SYBU: variants seen among roughly 807,000 people sequenced by gnomAD.
SYBU encodes the protein GOLSYN A protein.
Under a neutral mutation model 35.9 loss-of-function variants are expected in SYBU, and 21 were observed. The observed-to-expected ratio is 0.58, with a 90% CI of 0.41 to 0.84. The LOEUF is 0.84. Ranked by LOEUF, SYBU falls within the 40% of genes least tolerant of loss-of-function variation. The pLI is 0.00. For missense variants in SYBU, 768 were observed against 848.2 expected, an observed-to-expected ratio of 0.91 and a Z score of 1.17; for synonymous variants, 319 against 324.3, an observed-to-expected ratio of 0.98 and a Z score of 0.18.
chr8:109,575,363 T>G lies in SYBU; in HGVS notation c.1535A>C (p.Asp512Ala), dbSNP rs1586707104. Residue 512 changes from aspartate (D) to alanine (A), a missense_variant, in exon 7 of 7, where the codon GAC (aspartate) becomes GCC (alanine). Physicochemically the swap from Asp to Ala is moderately radical, Grantham distance 126. Coordinates refer to ENST00000276646, the MANE Select transcript of SYBU (RefSeq NM_001099754.2). ...LIQSVLQKLQDPCPSSLASPD... is the reference protein window; with the variant it reads ...LIQSVLQKLQAPCPSSLASPD... ...GGACGCCAAGCTCGAGGGACAGGGG[T>G]CCTGGAGCTTCTGCAGCACACTCTG... 6.2e-7 allele frequency: 1 copy of G among 1,613,798 alleles called. No homozygotes were observed. Among genetic ancestry groups the G allele is most frequent in the Non-Finnish European group, 8.5e-7 (1 of 1,179,964 alleles).
At chr8:109,682,827 T>G (rs1016383825), upstream of SYBU, among the ~76,000 whole-genome samples, 2 of 152,234 alleles carry the variant, frequency 1.3e-5, no homozygotes, top group Non-Finnish European at 2.9e-5. Flanking sequence ...AGGGCTCCCC[T>G]GCTGTGTTCA....
chr8:109,644,835 C>A, upstream of SYBU: 3 of 614,562 alleles, frequency 4.9e-6, no homozygotes, highest in Non-Finnish European at 7.7e-6. Context: ...GCTCCGAGGG[C>A]ACGCCCGACC....
chr8:109,591,818 G>C (rs1824312921), intron 3 of SYBU, among the ~76,000 whole-genome samples: 2 of 151,992 alleles, frequency 1.3e-5, no homozygotes, highest in South Asian at 4.2e-4. Flanking sequence ...GGCCAAAAAT[G>C]TAAATTTTTA....
At chr8:109,616,971 T>C (rs1811868595) in intron 3 of SYBU, among the ~76,000 whole-genome samples, 1 of 151,930 alleles carries the variant, frequency 6.6e-6, no homozygotes, top group Non-Finnish European at 1.5e-5. Flanking sequence ...AAACCCCATT[T>C]CTACTAAAAA....
chr8:109,618,549 G>A (rs1329332484), intron 3 of SYBU, among the ~76,000 whole-genome samples: 1 of 152,138 alleles, frequency 6.6e-6, no homozygotes, highest in Non-Finnish European at 1.5e-5. Flanking sequence ...TACTCATATA[G>A]TTTAAATGCT....
chr8:109,607,191 A>G (rs896061384), intron 3 of SYBU, among the ~76,000 whole-genome samples: 4 of 152,116 alleles, frequency 2.6e-5, no homozygotes, highest in African/African-American at 9.7e-5. Flanking sequence ...TACAAACCCA[A>G]CCTTTATGCT....
chr8:109,635,155 C>T (rs1031203036), intron 2 of SYBU, among the ~76,000 whole-genome samples: 3 of 152,176 alleles, frequency 2.0e-5, no homozygotes, highest in Non-Finnish European at 4.4e-5. Flanking sequence ...TCTTGCTCAC[C>T]ACCAATTTGC....
At chr8:109,621,188 C>A (rs1281302828) in intron 2 of SYBU, among the ~76,000 whole-genome samples, 1 of 152,188 alleles carries the variant, frequency 6.6e-6, no homozygotes, top group Non-Finnish European at 1.5e-5. Flanking sequence ...GAAATGCTAT[C>A]AAAATCATAC....
chr8:109,659,569 G>A (rs996146999), intron 1 of SYBU, among the ~76,000 whole-genome samples: 1 of 152,092 alleles, frequency 6.6e-6, no homozygotes, highest in South Asian at 2.1e-4. Flanking sequence ...TTTTTCTTTT[G>A]TACATAGAGA....
intron 1 of SYBU, among the ~76,000 whole-genome samples, chr8:109,664,351 A>G (rs1376610370): frequency 6.6e-6 from 1 of 152,158 alleles, no homozygotes; most frequent in African/African-American, 2.4e-5. Context: ...GTGTTTTTAA[A>G]TGAATAAACA....
At chr8:109,608,018 T>C (rs1826247403) in intron 3 of SYBU, 3 of 1,479,922 alleles carry the variant, frequency 2.0e-6, no homozygotes, top group Non-Finnish European at 2.7e-6. Context: ...GTGCAGCTCA[T>C]ATCTCAGTAG....
intron 3 of SYBU, among the ~76,000 whole-genome samples, chr8:109,586,792 A>T (rs1035579722): frequency 1.3e-5 from 2 of 152,230 alleles, no homozygotes; most frequent in Admixed American, 6.5e-5. Context: ...TGTAAATTAC[A>T]CTGAAATTTG....
At chr8:109,672,562 T>C (rs1691318096) in intron 1 of SYBU, among the ~76,000 whole-genome samples, 1 of 152,188 alleles carries the variant, frequency 6.6e-6, no homozygotes, top group South Asian at 2.1e-4. Flanking sequence ...CTTGGAAGCC[T>C]ACACCACCAG....
intron 4 of SYBU, among the ~76,000 whole-genome samples, chr8:109,581,933 G>A (rs1823078743): frequency 6.6e-6 from 1 of 152,244 alleles, no homozygotes; most frequent in African/African-American, 2.4e-5. Context: ...CAGATGGGCT[G>A]ATGGCTTTGT....
At chr8:109,616,687 T>A (rs1410032911) in intron 3 of SYBU, among the ~76,000 whole-genome samples, 1 of 149,168 alleles carries the variant, frequency 6.7e-6, no homozygotes, top group Admixed American at 6.7e-5. Flanking sequence ...AGCTTCATGA[T>A]GAAACATACT....
intron 1 of SYBU, among the ~76,000 whole-genome samples, chr8:109,664,519 C>T (rs1352960031): frequency 6.6e-6 from 1 of 152,166 alleles, no homozygotes; most frequent in Admixed American, 6.5e-5. Context: ...ACTCATTTAA[C>T]CACAAAGCTA....
rs57964282 is a variant in SYBU, at chr8:109,640,535, G to T, written c.229+2193C>A. 2.8e-3 allele frequency among the ~76,000 whole-genome samples: 427 copies of T among 152,026 alleles called. 1 individual carries two copies. Among genetic ancestry groups the T allele is most frequent in the African/African-American group, 0.01 (415 of 41,418 alleles). On this transcript the variant is annotated intron_variant, in intron 2 of 6. Coordinates refer to ENST00000276646, the MANE Select transcript of SYBU (RefSeq NM_001099754.2). ...CCCAGAGTTCATCCACACTCACCAG[G>T]GTGAGCTCTGGGCTCCAAAACAGAG...
At position 109,642,887 on chromosome 8, in the gene SYBU, G is replaced by A. The variant is rs770097369; in HGVS notation, c.70C>T (p.Arg24Ter). Residue 24 changes from arginine to a stop codon, truncating the protein, a stop_gained, in exon 2 of 7, where the codon CGA becomes TGA. Coordinates refer to ENST00000276646, the MANE Select transcript of SYBU (RefSeq NM_001099754.2). LOFTEE classifies it high-confidence loss of function. ...QHHDKEISRS[R>*]IPRLILRPHM... ...GGCCGAAGAATCAACCGGGGAATTC[G>A]GCTTCGAGAAATCTCCTTGTCATGA... 10 of 1,587,716 alleles carry A rather than the reference G, an allele frequency of 6.3e-6. No individual in the cohort carries two copies. Among genetic ancestry groups the A allele is most frequent in the Non-Finnish European group, 8.6e-6 (10 of 1,165,754 alleles).
chr8:109,654,271 C>T (rs1237747096), intron 1 of SYBU, among the ~76,000 whole-genome samples: 1 of 152,158 alleles, frequency 6.6e-6, no homozygotes, highest in Non-Finnish European at 1.5e-5. Context: ...ATCCCTACTC[C>T]ACTCATGTAC....
Sources: allele counts gnomAD v4.1 joint callset (sites outside exome capture counted in the v4.1 genomes callset), GRCh38; gene constraint gnomAD v4.1.1; transcripts MANE v1.5; gene names NCBI Gene and HGNC (gene_info 2026-07-23, HGNC 2026-07-21).